SNX29: variants seen among roughly 807,000 people sequenced by gnomAD.
SNX29 encodes sorting nexin 29.
SNX29 carries 78 observed loss-of-function variants against 102.1 expected under a neutral mutation model. The observed-to-expected ratio is 0.76, with a 90% CI of 0.64 to 0.92. The LOEUF (loss-of-function observed/expected upper bound fraction) is 0.92, where lower values mean the gene tolerates loss of function less well. SNX29 is among the 40% of genes least tolerant of loss of function. The probability of loss-of-function intolerance (pLI) is 0.00; values close to 1 mark genes in which losing one functional copy is unlikely to be tolerated. For missense variants in SNX29, 1,280 were observed against 1,061.7 expected (o/e 1.21, Z -2.86); for synonymous variants, 580 against 414.5 (o/e 1.40, Z -4.85).
chr16:12,209,931 G>A (rs1007883987), intron 14 of SNX29, among the ~76,000 whole-genome samples: 2 of 152,150 alleles, frequency 1.3e-5, no homozygotes, highest in African/African-American at 2.4e-5. Flanking sequence ...AGGTGCTGGC[G>A]GAAAGAGTGT....
chr16:12,224,651 G>A (rs538261073), intron 14 of SNX29, among the ~76,000 whole-genome samples: 51 of 152,342 alleles, frequency 3.3e-4, no homozygotes, highest in African/African-American at 1.2e-3. Context: ...ATTCTAAAGA[G>A]CCTACATGTG....
At chr16:12,360,622 C>T (rs150370592) in intron 16 of SNX29, among the ~76,000 whole-genome samples, 1 of 152,086 alleles carries the variant, frequency 6.6e-6, no homozygotes, top group Non-Finnish European at 1.5e-5. Flanking sequence ...TCAGTGGGGC[C>T]AGTATACAAA....
At chr16:12,175,011 C>G (rs528699203) in intron 13 of SNX29, among the ~76,000 whole-genome samples, 13 of 152,250 alleles carry the variant, frequency 8.5e-5, no homozygotes, top group East Asian at 3.9e-4. Context: ...AGAGGTCTCA[C>G]AAGCAATGCT....
chr16:12,571,922 T>TG lies in SNX29; in HGVS notation c.*3295dup, dbSNP rs2079196167. ...CCTGCATTTCTCTACTGGCAGGCCC[T>TG]GGTGAAGGAAGACACTTTCAGGGAA... On this transcript the variant is annotated 3_prime_UTR_variant, in exon 21 of 21. Coordinates refer to ENST00000566228, the MANE Select transcript of SNX29 (RefSeq NM_032167.5). The TG allele has an allele frequency of 1.2e-5, 13 of 1,061,980 alleles. No homozygotes were observed. The African/African-American group carries it at 1.5e-4, about 12-fold the overall frequency. The allele number at this position is 1,061,980 out of a possible 1,614,324, so 65.8% of individuals were successfully genotyped here. A position where few individuals can be genotyped will look rare whatever the true frequency, so the allele number is the denominator to read the frequency against.
intron 10 of SNX29, 61 bp from the exon 11 acceptor site, chr16:12,078,772 A>G: frequency 7.0e-7 from 1 of 1,427,350 alleles, no homozygotes; most frequent in Admixed American, 2.0e-5. Context: ...AGTTTTTGGA[A>G]TGGTGAGGGT....
chr16:12,572,668 AC>A lies in SNX29; in HGVS notation c.*4042del, dbSNP rs1352986931. On this transcript the variant is annotated 3_prime_UTR_variant, in exon 21 of 21. Transcript: ENST00000566228. The stretch of plus-strand genomic sequence containing the variant: ...ACCAAGCTCCTGTGTGAGCTGCAGC[AC>A]CCACACGGGGGAAGCCCTGCACTCC... The A allele has an allele frequency of 1.3e-4, 143 of 1,063,336 alleles. No homozygotes were observed. Among genetic ancestry groups the A allele is most frequent in the South Asian group, 5.9e-4 (13 of 21,962 alleles). The allele number at this position is 1,063,336 out of a possible 1,614,324, so 65.9% of individuals were successfully genotyped here.
chr16:12,199,706 G>C (rs1308240801), intron 14 of SNX29, 23 bp downstream of exon 14: 1 of 1,604,818 alleles, frequency 6.2e-7, no homozygotes, highest in African/African-American at 1.3e-5. Context: ...CTGAGCCCGG[G>C]TTGGGAGGGG....
intron 14 of SNX29, among the ~76,000 whole-genome samples, chr16:12,239,482 C>A (rs1462521326): frequency 6.6e-6 from 1 of 151,778 alleles, no homozygotes; most frequent in African/African-American, 2.4e-5. Flanking sequence ...GAAATGTCAC[C>A]AAATGTTGGC....
chr16:12,118,559 G>C (rs1261004412), intron 11 of SNX29, among the ~76,000 whole-genome samples: 1 of 151,808 alleles, frequency 6.6e-6, no homozygotes. Flanking sequence ...GACGTGATCC[G>C]CCCACCTCGG....
chr16:12,178,475 C>G (rs1211067388), intron 13 of SNX29, among the ~76,000 whole-genome samples: 3 of 152,210 alleles, frequency 2.0e-5, no homozygotes, highest in Admixed American at 6.5e-5. Context: ...TTCGCAAAAC[C>G]AGCCTGGCTT....
At chr16:12,192,178 G>T (rs550474670) in intron 13 of SNX29, among the ~76,000 whole-genome samples, 2 of 152,260 alleles carry the variant, frequency 1.3e-5, no homozygotes, top group South Asian at 2.1e-4. Flanking sequence ...TATTGCAGTC[G>T]TTGGAAGCTG....
chr16:12,404,044 G>A (rs1204968804), intron 18 of SNX29, among the ~76,000 whole-genome samples: 1 of 152,142 alleles, frequency 6.6e-6, no homozygotes, highest in South Asian at 2.1e-4. Context: ...GTTGGGTGAC[G>A]GACTCTGTGA....
At chr16:12,154,181 GA>G (rs1200310046) in intron 13 of SNX29, among the ~76,000 whole-genome samples, 1 of 152,018 alleles carries the variant, frequency 6.6e-6, no homozygotes, top group Non-Finnish European at 1.5e-5. Flanking sequence ...TTCCTTAAGG[GA>G]ATTCTAAAAC....
At chr16:12,445,728 C>G (rs1200945798) in intron 18 of SNX29, among the ~76,000 whole-genome samples, 2 of 152,202 alleles carry the variant, frequency 1.3e-5, no homozygotes, top group African/African-American at 4.8e-5. Context: ...AAGTAGGTGT[C>G]ACCAGTAAAA....
At chr16:12,195,445 T>G (rs762117818) in intron 13 of SNX29, among the ~76,000 whole-genome samples, 2 of 152,222 alleles carry the variant, frequency 1.3e-5, no homozygotes, top group Non-Finnish European at 2.9e-5. Context: ...TGATTCATAT[T>G]TCCTAAAGCT....
chr16:12,178,498 G>T (rs2076311314), intron 13 of SNX29, among the ~76,000 whole-genome samples: 2 of 152,196 alleles, frequency 1.3e-5, no homozygotes, highest in African/African-American at 4.8e-5. Context: ...GTCTTCTGTT[G>T]AGTCAGCCCA....
At chr16:12,289,399 T>A (rs1307110813) in intron 15 of SNX29, among the ~76,000 whole-genome samples, 3 of 152,246 alleles carry the variant, frequency 2.0e-5, no homozygotes, top group African/African-American at 7.2e-5. Context: ...TGTGCAGGCA[T>A]GCTTGCGCCC....
chr16:12,255,492 C>T lies in SNX29; in HGVS notation c.1679-22441C>T, dbSNP rs571434398. ...CCCTAACCCGCCAGAACTCATTCAT[C>T]CTGTCCAACTGAAGCTTTGTACTTT... On this transcript the variant is annotated intron_variant, in intron 14 of 20. Coordinates refer to ENST00000566228, the MANE Select transcript of SNX29 (RefSeq NM_032167.5). Among the ~76,000 whole-genome samples the T allele has an allele frequency of 3.9e-5, 6 of 152,306 alleles. No homozygotes were observed. The South Asian group carries it at 1.2e-3, about 32-fold the overall frequency.
chr16:12,474,474 G>C (rs76942887), intron 18 of SNX29, among the ~76,000 whole-genome samples: 1 of 152,168 alleles, frequency 6.6e-6, no homozygotes, highest in Admixed American at 6.5e-5. Flanking sequence ...GAGAGGCAGG[G>C]CGTGGGCAGG....
Sources: gnomAD v4.1 joint callset for allele counts (sites outside exome capture counted in the v4.1 genomes callset) on GRCh38, gnomAD v4.1.1 for gene constraint, MANE v1.5 for transcripts, NCBI Gene and HGNC (gene_info 2026-07-23, HGNC 2026-07-21) for gene names.